Variants in ASAH2 observed in about 807,000 individuals in gnomAD.
The protein encoded by ASAH2 is neutral ceramidase.
ASAH2 carries 58 observed loss-of-function variants against 82.9 expected under a neutral mutation model. The ratio of observed to expected loss-of-function variants is 0.70; its 90% confidence interval spans 0.57 to 0.87. The LOEUF is 0.87. ASAH2 is among the 40% of genes least tolerant of loss of function. ASAH2 has a pLI of 0.00. For synonymous variants in ASAH2, 276 were observed against 289.7 expected, an observed-to-expected ratio of 0.95 and a Z score of 0.48; for missense variants, 779 against 834.0, an observed-to-expected ratio of 0.93 and a Z score of 0.81.
chr10:50,243,414 C>A, intron 3 of ASAH2, 63 bp from the exon 4 acceptor site: 2 of 1,560,636 alleles, frequency 1.3e-6, no homozygotes, highest in African/African-American at 1.4e-5. Context: ...AAACCAGGCA[C>A]AAACATACAA....
In ASAH2 at chr10:50,239,828, A is replaced by ATTTTTTT. The variant is rs1208518684; in HGVS notation, c.510+3367_510+3373dup. On this transcript the variant is annotated intron_variant, in intron 4 of 20. Coordinates refer to ENST00000682911, the MANE Select transcript of ASAH2 (RefSeq NM_019893.4). Reference sequence around the variant, plus strand: ...TATTCATCTCCAAATCTCACATTTAATTTTTTTTTTTTTTTTTTTGAGTCA... The same window carrying ATTTTTTT: ...TATTCATCTCCAAATCTCACATTTAATTTTTTTTTTTTTTTTTTTTTTTTTTGAGTCA... Among the ~76,000 whole-genome samples the ATTTTTTT allele has an allele frequency of 3.1e-3, 379 of 120,596 alleles. 4 individuals are homozygous for ATTTTTTT. Among genetic ancestry groups the ATTTTTTT allele is most frequent in the Non-Finnish European group, 5.0e-3 (295 of 59,560 alleles). The allele number at this position is 120,596 out of a possible 152,430, so 79.1% of individuals were successfully genotyped here.
chr10:50,218,675 A>G, intron 7 of ASAH2, 45 bp from the exon 8 acceptor site: 1 of 1,612,254 alleles, frequency 6.2e-7, no homozygotes, highest in Non-Finnish European at 8.5e-7. Flanking sequence ...AGAACGAGAG[A>G]ACTGGGGCCA....
rs1026075170 is a variant in ASAH2 at position 50,202,964 on chromosome 10, T to A, written c.1666-40A>T. ...TAAAACCCAATAAAATTACTCTTCA[T>A]CTTTACGTATATTTTCATTCTGTTA... On this transcript the variant is annotated intron_variant, in intron 15 of 20. Coordinates refer to ENST00000682911, the MANE Select transcript of ASAH2 (RefSeq NM_019893.4). The A allele has an allele frequency of 4.1e-6, 5 of 1,221,842 alleles. No individual in the cohort carries two copies. In the African/African-American group the frequency reaches 7.4e-5, roughly 18 times the overall value. 75.7% of individuals were successfully genotyped at this position (1,221,842 alleles called of 1,614,324 possible). A position where few individuals can be genotyped will look rare whatever the true frequency, so the allele number is the denominator to read the frequency against.
chr10:50,247,751 G>A (rs1337026551), intron 2 of ASAH2, among the ~76,000 whole-genome samples: 4 of 151,718 alleles, frequency 2.6e-5, no homozygotes, highest in African/African-American at 9.7e-5. Context: ...ACCTAACACT[G>A]ACTGGAACAG....
chr10:50,205,907 C>T, intron 13 of ASAH2, 75 bp downstream of exon 13: 2 of 1,134,904 alleles, frequency 1.8e-6, no homozygotes, highest in Non-Finnish European at 2.7e-6. Context: ...AGATATCTAC[C>T]ATTCATTACC....
At chr10:50,196,221 A>G (rs1422678477) in intron 18 of ASAH2, among the ~76,000 whole-genome samples, 1 of 151,886 alleles carries the variant, frequency 6.6e-6, no homozygotes, top group Non-Finnish European at 1.5e-5. Context: ...AGAACATTCT[A>G]TTGAAGGTTC....
chr10:50,233,811 C>T (rs1383822869), intron 6 of ASAH2, among the ~76,000 whole-genome samples: 4 of 152,056 alleles, frequency 2.6e-5, no homozygotes, highest in African/African-American at 9.7e-5. Flanking sequence ...CCAAGCACTT[C>T]TCTTCTGTTA....
intron 7 of ASAH2, among the ~76,000 whole-genome samples, chr10:50,220,860 A>T (rs1334741201): frequency 1.6e-5 from 2 of 121,698 alleles, no homozygotes; most frequent in East Asian, 2.6e-4. Context: ...AAAAAAAAAA[A>T]AGTGAGGGGA....
intron 1 of ASAH2, among the ~76,000 whole-genome samples, chr10:50,250,113 C>G (rs1194293542): frequency 2.0e-5 from 3 of 152,126 alleles, no homozygotes; most frequent in African/African-American, 7.2e-5. Flanking sequence ...TGACACTGAG[C>G]CAGCATTCCC....
chr10:50,206,537 TACACACACACAC>T (rs544968746), intron 12 of ASAH2, among the ~76,000 whole-genome samples: 5 of 130,734 alleles, frequency 3.8e-5, no homozygotes, highest in East Asian at 4.3e-4. Flanking sequence ...TTTAGTTATC[TACACACACACAC>T]ACACACACAC....
At chr10:50,210,360 C>T (rs1175680311) in intron 12 of ASAH2, among the ~76,000 whole-genome samples, 4 of 151,866 alleles carry the variant, frequency 2.6e-5, no homozygotes, top group Non-Finnish European at 5.9e-5. Context: ...ATTAGCCAAG[C>T]GTGGTGGCAG....
intron 12 of ASAH2, among the ~76,000 whole-genome samples, chr10:50,206,579 A>ACACACACAC (rs1845305023): frequency 2.0e-5 from 1 of 48,832 alleles, no homozygotes; most frequent in Non-Finnish European, 6.0e-5. Context: ...CACACACACA[A>ACACACACAC]AGCAGTAAAA....
intron 7 of ASAH2, among the ~76,000 whole-genome samples, chr10:50,231,043 GAA>G (rs1367246294): frequency 1.5e-3 from 144 of 96,254 alleles, no homozygotes; most frequent in Middle Eastern, 6.3e-3. Context: ...CTTGTCTCAG[GAA>G]AAAAAAAAAA....
At chr10:50,213,678 C>T (rs1845521592) in intron 9 of ASAH2, among the ~76,000 whole-genome samples, 1 of 151,934 alleles carries the variant, frequency 6.6e-6, no homozygotes, top group Non-Finnish European at 1.5e-5. Flanking sequence ...TTAAACTGGA[C>T]AGGTAAAACA....
Position 50,212,954 on chromosome 10 carries a change from G to A in ASAH2, c.1227+18C>T. On this transcript the variant is annotated intron_variant, in intron 10 of 20. Coordinates refer to ENST00000682911, the MANE Select transcript of ASAH2 (RefSeq NM_019893.4). The stretch of plus-strand genomic sequence containing the variant: ...ACAATTTTAAACAAAGATTAAAGGA[G>A]CGAGGCCCATGGCTTACCTTTGCTC... The A allele has an allele frequency of 6.2e-7, 1 of 1,606,254 alleles. No homozygotes were observed. Among genetic ancestry groups the A allele is most frequent in the African/African-American group, 1.3e-5 (1 of 74,878 alleles).
At chr10:50,219,978 T>C (rs1845700261) in intron 7 of ASAH2, among the ~76,000 whole-genome samples, 1 of 152,214 alleles carries the variant, frequency 6.6e-6, no homozygotes, top group Non-Finnish European at 1.5e-5. Flanking sequence ...CAAATCCATG[T>C]TTTCATATGT....
rs747036124 is a variant in ASAH2, at chr10:50,218,525, T to C, written c.999A>G (p.Gly333=). The change falls in exon 8 of 21, where the codon GGA becomes GGG. Residue 333 remains glycine (G), a synonymous_variant. Coordinates refer to ENST00000682911, the MANE Select transcript of ASAH2 (RefSeq NM_019893.4). ...SYLLEQEKNK[G]YLPGQGPFVA... ...AAATTCTCACCTGTCCAGGTAGATATCCTTTGTTCTTCTCTTGCTCAAGCA... is the reference window on the plus strand; with the variant it reads ...AAATTCTCACCTGTCCAGGTAGATACCCTTTGTTCTTCTCTTGCTCAAGCA... 4 of 1,613,662 alleles carry C rather than the reference T, an allele frequency of 2.5e-6. No individual in the cohort carries two copies. In the Admixed American group the frequency reaches 6.7e-5, roughly 27 times the overall value.
intron 1 of ASAH2, among the ~76,000 whole-genome samples, chr10:50,249,815 G>C (rs1846569256): frequency 6.6e-6 from 1 of 152,082 alleles, no homozygotes; most frequent in South Asian, 2.1e-4. Flanking sequence ...ATCACAGGTG[G>C]GACCTTCAGA....
chr10:50,215,347 G>A (rs1287897218), intron 8 of ASAH2, among the ~76,000 whole-genome samples: 1 of 146,054 alleles, frequency 6.8e-6, no homozygotes, highest in Non-Finnish European at 1.5e-5. Context: ...TATTGCTTTT[G>A]GTGTTTTAGT....
Sources: gnomAD v4.1 joint callset for allele counts (sites outside exome capture counted in the v4.1 genomes callset) on GRCh38, gnomAD v4.1.1 for gene constraint, MANE v1.5 for transcripts, NCBI Gene and HGNC (gene_info 2026-07-23, HGNC 2026-07-21) for gene names.